Variants in IBTK observed in about 807,000 individuals in gnomAD.
IBTK encodes the protein BTK-binding protein.
In IBTK, 83 loss-of-function variants were observed where a neutral mutation model predicts 154.9. That is an observed-to-expected ratio of 0.54 (90% CI 0.45 to 0.64). The LOEUF is 0.64. Among genes scored for constraint, IBTK ranks in the 30% least tolerant of loss-of-function variants. The pLI is 0.00. For missense variants in IBTK, 1,332 were observed against 1,584.6 expected, an observed-to-expected ratio of 0.84 and a Z score of 2.71; for synonymous variants, 515 against 536.1, an observed-to-expected ratio of 0.96 and a Z score of 0.54.
At chr6:82,216,763 A>C (rs575769889) in intron 10 of IBTK, among the ~76,000 whole-genome samples, 49 of 152,284 alleles carry the variant, frequency 3.2e-4, no homozygotes, top group Admixed American at 6.5e-4. Context: ...GTGATATAGT[A>C]GTGAAGAAGA....
chr6:82,214,683 G>C lies in IBTK; in HGVS notation c.1748C>G (p.Ala583Gly). 1 of 1,614,008 alleles carries C rather than the reference G, an allele frequency of 6.2e-7. No homozygotes were observed. Among genetic ancestry groups the C allele is most frequent in the Non-Finnish European group, 8.5e-7 (1 of 1,179,962 alleles). Residue 583 changes from alanine to glycine, a missense_variant, in exon 12 of 29, where the codon GCA (alanine) becomes GGA (glycine). Physicochemically the swap from Ala to Gly is moderately conservative, Grantham distance 60. Around this residue, in one of 3 missense-constraint regions of IBTK, gnomAD observed 1,134 missense variants for 1,274.7 expected, o/e 0.89. Coordinates refer to ENST00000306270, the MANE Select transcript of IBTK (RefSeq NM_015525.4). ...TTTCTGAAAAAAATCAGAATGCACT[G>C]CCAAAATATATTTATGTGCAGGGAA... Reference protein sequence around the residue: ...RLFPAHKYILAVHSDFFQKLF... With the variant: ...RLFPAHKYILGVHSDFFQKLF...
rs554143374 is a variant in IBTK, at chr6:82,194,626, T to C, written c.3191A>G (p.Tyr1064Cys). Residue 1064 changes from tyrosine (Y) to cysteine (C), a missense_variant, in exon 23 of 29, where the codon TAT (tyrosine) becomes TGT (cysteine). By Grantham distance (194) the Tyr-to-Cys change is radical. Coordinates refer to ENST00000306270, the MANE Select transcript of IBTK (RefSeq NM_015525.4). ...SDKIEAKVKP[Y>C]VNGTSPVYSR... ...ATACACAGGAGATGTACCATTAACA[T>C]ACGGTTTGACTTTCGCCTGGGGAGA... 5 of 1,586,428 alleles carry C rather than the reference T, an allele frequency of 3.2e-6. No homozygotes were observed. The highest frequency in any genetic ancestry group is 2.4e-5 in the South Asian group (2 of 84,566).
chr6:82,194,133 G>C (rs577270109), intron 23 of IBTK, among the ~76,000 whole-genome samples: 44 of 152,216 alleles, frequency 2.9e-4, no homozygotes, highest in Middle Eastern at 3.4e-3. Flanking sequence ...TGCTCTAAGA[G>C]ATAAAGTCTA....
chr6:82,223,713 C>T (rs893216678), intron 7 of IBTK, 93 bp from the exon 8 acceptor site: 18 of 1,068,674 alleles, frequency 1.7e-5, no homozygotes, highest in Non-Finnish European at 1.9e-5. Flanking sequence ...AATCCCAGCA[C>T]TTGGGGAGGC....
At chr6:82,173,059 T>C (rs928120467) in intron 27 of IBTK, 2 of 210,166 alleles carry the variant, frequency 9.5e-6, no homozygotes, top group Non-Finnish European at 1.8e-5. Context: ...TGGAGTACAG[T>C]GGCATGATCG....
intron 23 of IBTK, among the ~76,000 whole-genome samples, chr6:82,192,676 G>C (rs1444957149): frequency 6.6e-6 from 1 of 151,290 alleles, no homozygotes; most frequent in Non-Finnish European, 1.5e-5. Context: ...GAACCTGGGA[G>C]GCAGAGGTTG....
At chr6:82,213,446 T>C (rs1452006411) in intron 12 of IBTK, among the ~76,000 whole-genome samples, 1 of 152,162 alleles carries the variant, frequency 6.6e-6, no homozygotes, top group Non-Finnish European at 1.5e-5. Flanking sequence ...GAATTTCAAA[T>C]AATCTGATTC....
chr6:82,172,600 A>T (rs1767966556), intron 27 of IBTK, 88 bp from the exon 28 acceptor site: 1 of 1,221,678 alleles, frequency 8.2e-7, no homozygotes, highest in Non-Finnish European at 1.1e-6. Context: ...GCAATGCTAC[A>T]ATTCTTTCCA....
At chr6:82,182,702 TAA>T (rs1339459428) in intron 25 of IBTK, among the ~76,000 whole-genome samples, 1 of 152,006 alleles carries the variant, frequency 6.6e-6, no homozygotes, top group African/African-American at 2.4e-5. Flanking sequence ...AGGCACATAA[TAA>T]ATAAACAGCT....
intron 2 of IBTK, among the ~76,000 whole-genome samples, chr6:82,238,637 C>T (rs1030258261): frequency 6.6e-6 from 1 of 152,050 alleles, no homozygotes; most frequent in African/African-American, 2.4e-5. Context: ...GACAGGGCTT[C>T]ACCATGTTGG....
intron 1 of IBTK, among the ~76,000 whole-genome samples, chr6:82,245,417 C>T (rs1771106291): frequency 6.6e-6 from 1 of 151,972 alleles, no homozygotes; most frequent in African/African-American, 2.4e-5. Context: ...AAAAATTAGG[C>T]GTAGTGGCAC....
At chr6:82,216,050 A>T in intron 11 of IBTK, 26 bp downstream of exon 11, 1 of 1,542,456 alleles carries the variant, frequency 6.5e-7, no homozygotes, top group South Asian at 1.2e-5. Flanking sequence ...CTTCTAAAAA[A>T]TGAAATTTAA....
intron 16 of IBTK, chr6:82,205,464 T>A (rs1769368140): frequency 6.6e-6 from 1 of 152,324 alleles, no homozygotes; most frequent in Admixed American, 6.5e-5. Context: ...TTGGACTTCC[T>A]TAATTTAAAA....
Position 82,214,023 on chromosome 6 carries a change from T to C in IBTK, c.2204+204A>G, listed in dbSNP as rs532129493. ...CAGGCTGGAATGCAGTGGCGCAATC[T>C]CGGCTCACTGCAAGCTCCGCCTCCC... On this transcript the variant is annotated intron_variant, in intron 12 of 28. Coordinates refer to ENST00000306270, the MANE Select transcript of IBTK (RefSeq NM_015525.4). Among the ~76,000 whole-genome samples the C allele has an allele frequency of 2.4e-4, 37 of 152,042 alleles. No homozygotes were observed. In the South Asian group the frequency reaches 5.4e-3, roughly 22 times the overall value.
intron 28 of IBTK, among the ~76,000 whole-genome samples, chr6:82,171,967 A>G (rs978447538): frequency 1.3e-5 from 2 of 152,178 alleles, no homozygotes; most frequent in Non-Finnish European, 2.9e-5. Context: ...CTTTCAGCTA[A>G]GTCTATGGAA....
At position 82,202,525 on chromosome 6, in the gene IBTK, T is replaced by G. The variant is rs1285317465; in HGVS notation, c.2729+3A>C. Reference sequence around the variant, plus strand: ...AATCTTACAACATATGCACCTCACCTACCTTGCTTCAAGTAAAGCTGCCAT... The same window carrying G: ...AATCTTACAACATATGCACCTCACCGACCTTGCTTCAAGTAAAGCTGCCAT... On this transcript the variant is annotated splice_donor_region_variant and intron_variant, in intron 18 of 28. Transcript: ENST00000306270. 1 of 1,516,886 alleles carries G rather than the reference T, an allele frequency of 6.6e-7. No homozygotes were observed. The highest frequency in any genetic ancestry group is 2.3e-5 in the East Asian group (1 of 44,150). 94.0% of individuals were successfully genotyped at this position (1,516,886 alleles called of 1,614,324 possible).
At chr6:82,199,237 G>A (rs540502279) in intron 21 of IBTK, among the ~76,000 whole-genome samples, 1 of 151,250 alleles carries the variant, frequency 6.6e-6, no homozygotes, top group South Asian at 2.1e-4. Context: ...TCTCTGTATT[G>A]TGTGTGTGTG....
Position 82,196,420 on chromosome 6 carries a change from A to G in IBTK, c.3052T>C (p.Ser1018Pro), listed in dbSNP as rs777405062. The G allele has an allele frequency of 6.2e-7, 1 of 1,610,318 alleles. No individual in the cohort carries two copies. Among genetic ancestry groups the G allele is most frequent in the Admixed American group, 1.7e-5 (1 of 59,542 alleles). Reference protein sequence around the residue: ...TGLLKSGKTNSVESLPELLTS... With the variant: ...TGLLKSGKTNPVESLPELLTS... ...AACAGTTCTGGAAGAGATTCCACAG[A>G]ATTGGTCTTACCAGACTTTAATAAT... The change falls in exon 22 of 29, where the codon TCT becomes CCT. Residue 1018 changes from serine (S) to proline (P), a missense_variant. Around this residue, in one of 3 missense-constraint regions of IBTK, gnomAD observed 1,134 missense variants for 1,274.7 expected, o/e 0.89. Transcript: ENST00000306270.
At chr6:82,222,689 A>C (rs147352387) in intron 8 of IBTK, among the ~76,000 whole-genome samples, 1 of 152,180 alleles carries the variant, frequency 6.6e-6, no homozygotes, top group Non-Finnish European at 1.5e-5. Context: ...AATCATTCAA[A>C]ATGAAATGAC....
Sources: allele counts gnomAD v4.1 joint callset (sites outside exome capture counted in the v4.1 genomes callset), GRCh38; gene constraint gnomAD v4.1.1; regional missense constraint gnomAD v4.1.1; transcripts MANE v1.5; gene names NCBI Gene and HGNC (gene_info 2026-07-23, HGNC 2026-07-21).